DSCAM: variants seen among roughly 807,000 people sequenced by gnomAD.
DSCAM encodes DS cell adhesion molecule, also known as cell adhesion molecule DSCAM.
A neutral mutation model predicts 217.7 loss-of-function variants in DSCAM; 47 were observed. The observed-to-expected ratio is 0.22, with a 90% CI of 0.17 to 0.28. DSCAM has a LOEUF of 0.28. Among genes scored for constraint, DSCAM ranks in the 10% least tolerant of loss-of-function variants. DSCAM has a pLI of 1.00. For synonymous variants in DSCAM, 1,056 were observed against 1,015.3 expected, an observed-to-expected ratio of 1.04 and a Z score of -0.76; for missense variants, 2,080 against 2,618.3, an observed-to-expected ratio of 0.79 and a Z score of 4.49.
At chr21:40,436,749 C>T (rs768586703) in intron 3 of DSCAM, among the ~76,000 whole-genome samples, 27 of 152,142 alleles carry the variant, frequency 1.8e-4, no homozygotes, top group African/African-American at 4.3e-4. Context: ...AAAACAGCAG[C>T]GCATTAAGTC....
chr21:40,317,397 A>T (rs1601545288), intron 8 of DSCAM, among the ~76,000 whole-genome samples: 1 of 152,356 alleles, frequency 6.6e-6, no homozygotes, highest in East Asian at 1.9e-4. Flanking sequence ...GACTCAAGTG[A>T]GTACAGTGAT....
chr21:40,688,104 G>T (rs536458479), intron 3 of DSCAM, among the ~76,000 whole-genome samples: 52 of 152,278 alleles, frequency 3.4e-4, no homozygotes, highest in African/African-American at 1.2e-3. Flanking sequence ...CACTAATAGA[G>T]GTATTCAGAT....
chr21:40,699,843 A>G (rs1179576955), intron 2 of DSCAM, among the ~76,000 whole-genome samples: 6 of 152,214 alleles, frequency 3.9e-5, no homozygotes, highest in African/African-American at 1.4e-4. Flanking sequence ...GCAAGTGTTG[A>G]TGGAGAAACT....
At chr21:40,326,816 T>A (rs934839976) in intron 8 of DSCAM, among the ~76,000 whole-genome samples, 1 of 151,994 alleles carries the variant, frequency 6.6e-6, no homozygotes, top group Admixed American at 6.6e-5. Flanking sequence ...TAGATGAACT[T>A]CAAGCTGATT....
intron 10 of DSCAM, among the ~76,000 whole-genome samples, chr21:40,286,615 T>A (rs1220296011): frequency 2.0e-5 from 3 of 150,498 alleles, no homozygotes; most frequent in Non-Finnish European, 3.0e-5. Context: ...TGTCTCTTGA[T>A]AATTTGCTTC....
intron 3 of DSCAM, among the ~76,000 whole-genome samples, chr21:40,455,882 G>A (rs1264495793): frequency 1.3e-5 from 2 of 152,126 alleles, no homozygotes; most frequent in African/African-American, 4.8e-5. Context: ...ATATTCAAGG[G>A]AGAGAGACAG....
chr21:40,764,700 C>A (rs1423478459), intron 1 of DSCAM, among the ~76,000 whole-genome samples: 1 of 152,122 alleles, frequency 6.6e-6, no homozygotes, highest in African/African-American at 2.4e-5. Context: ...GGAACCAACC[C>A]AAATACCCAT....
At position 40,144,281 on chromosome 21, in the gene DSCAM, C is replaced by G. The variant is rs901804363; in HGVS notation, c.3259+210G>C. On this transcript the variant is annotated intron_variant, in intron 17 of 32. Transcript: ENST00000400454. The surrounding 1 kb of genome is among the most constrained non-coding windows in gnomAD (Gnocchi z 4.8). The stretch of plus-strand genomic sequence containing the variant: ...AAGAGTCTGAAAAGGGAGGGACTTG[C>G]TGGCTTTGCAGTCCAGCCCTGCCCC... Among the ~76,000 whole-genome samples the G allele has an allele frequency of 3.9e-5, 6 of 152,192 alleles. No homozygotes were observed. The highest frequency in any genetic ancestry group is 9.6e-5 in the African/African-American group (4 of 41,462).
chr21:40,606,523 T>C (rs34800478), intron 3 of DSCAM, among the ~76,000 whole-genome samples: 49,813 of 152,156 alleles, frequency 0.33, 8,254 homozygotes, highest in East Asian at 0.42. Context: ...CTGGCTAACA[T>C]TGGCTGGCTT....
At chr21:40,478,745 T>C (rs1290149785) in intron 3 of DSCAM, among the ~76,000 whole-genome samples, 1 of 152,168 alleles carries the variant, frequency 6.6e-6, no homozygotes, top group African/African-American at 2.4e-5. Flanking sequence ...TAGCCCTGCC[T>C]TATACACAGC....
intron 15 of DSCAM, among the ~76,000 whole-genome samples, chr21:40,176,394 C>T (rs1040850422): frequency 5.3e-5 from 8 of 151,930 alleles, no homozygotes; most frequent in Non-Finnish European, 1.0e-4. Context: ...TGACAGCTTC[C>T]GGAGGCTCCC....
intron 28 of DSCAM, among the ~76,000 whole-genome samples, chr21:40,059,080 A>G (rs2089074020): frequency 6.6e-6 from 1 of 152,226 alleles, no homozygotes; most frequent in Non-Finnish European, 1.5e-5. Flanking sequence ...TTAATAGTCC[A>G]TCATCCTCCC....
intron 3 of DSCAM, among the ~76,000 whole-genome samples, chr21:40,577,825 C>A: frequency 6.6e-6 from 1 of 152,248 alleles, no homozygotes; most frequent in Non-Finnish European, 1.5e-5. Flanking sequence ...GTGATAGACT[C>A]GGGGCTTTGG....
intron 3 of DSCAM, among the ~76,000 whole-genome samples, chr21:40,397,347 T>G (rs1003948503): frequency 6.6e-6 from 1 of 151,918 alleles, no homozygotes; most frequent in Non-Finnish European, 1.5e-5. Flanking sequence ...TTGCTCTGAG[T>G]TCACACGAGA....
intron 11 of DSCAM, among the ~76,000 whole-genome samples, chr21:40,215,383 G>C (rs1051912437): frequency 3.9e-4 from 59 of 150,412 alleles, no homozygotes; most frequent in African/African-American, 1.4e-3. Flanking sequence ...TAAAATAACA[G>C]TTGGAAAGGA....
At chr21:40,249,154 A>G (rs2073268208) in intron 11 of DSCAM, among the ~76,000 whole-genome samples, 1 of 152,216 alleles carries the variant, frequency 6.6e-6, no homozygotes, top group Non-Finnish European at 1.5e-5. Flanking sequence ...TGTCATCTGA[A>G]GCAGGGCAGA....
At chr21:40,838,983 A>G (rs1206598373) in intron 1 of DSCAM, among the ~76,000 whole-genome samples, 1 of 152,218 alleles carries the variant, frequency 6.6e-6, no homozygotes. Context: ...AGGCCTAGAA[A>G]GGAAAACTAT....
intron 3 of DSCAM, among the ~76,000 whole-genome samples, chr21:40,422,469 A>AG (rs1295432775): frequency 8.9e-6 from 1 of 111,854 alleles, no homozygotes; most frequent in Non-Finnish European, 2.1e-5. Context: ...ATCTCTACTA[A>AG]AAAAAAATAT....
chr21:40,033,519 G>A (rs1335119087), intron 32 of DSCAM, among the ~76,000 whole-genome samples: 2 of 151,702 alleles, frequency 1.3e-5, no homozygotes, highest in Admixed American at 1.3e-4. Flanking sequence ...GGCTTGGAGG[G>A]TCCCACACCC....
Sources: gnomAD v4.1 joint callset for allele counts (sites outside exome capture counted in the v4.1 genomes callset) on GRCh38, gnomAD v4.1.1 for gene constraint, Gnocchi (gnomAD v3.1) non-coding constraint, MANE v1.5 for transcripts, NCBI Gene and HGNC (gene_info 2026-07-23, HGNC 2026-07-21) for gene names.